The following FOXP1 variants were observed in gnomAD, a reference collection of about 807,000 sequenced individuals.
FOXP1 encodes the protein forkhead box P1.
In FOXP1, 15 loss-of-function variants were observed where a neutral mutation model predicts 98.2. That is an observed-to-expected ratio of 0.15 (90% CI 0.10 to 0.24). The LOEUF (loss-of-function observed/expected upper bound fraction) is 0.24, where lower values mean the gene tolerates loss of function less well. FOXP1 is among the 10% of genes least tolerant of loss of function. The probability of loss-of-function intolerance (pLI) is 1.00; values close to 1 mark genes in which losing one functional copy is unlikely to be tolerated. For missense variants in FOXP1, 633 were observed against 848.5 expected (o/e 0.75, Z 3.15); for synonymous variants, 371 against 314.5 (o/e 1.18, Z -1.90).
At chr3:70,965,341 CATT>C (rs1199691253) in intron 20 of FOXP1, among the ~76,000 whole-genome samples, 11 of 152,330 alleles carry the variant, frequency 7.2e-5, no homozygotes, top group African/African-American at 2.4e-4. Context: ...TATGTGCACT[CATT>C]ATACTGCCGT....
intron 3 of FOXP1, among the ~76,000 whole-genome samples, chr3:71,479,754 G>C (rs997351300): frequency 1.3e-5 from 2 of 151,548 alleles, no homozygotes. Flanking sequence ...ATCATTTCTT[G>C]GGTAGACAGA....
chr3:70,990,823 G>A (rs2040489052), intron 13 of FOXP1, among the ~76,000 whole-genome samples: 1 of 152,148 alleles, frequency 6.6e-6, no homozygotes, highest in Non-Finnish European at 1.5e-5. Flanking sequence ...ACGATGGCAG[G>A]GTGAAAACGG....
Position 70,985,245 on chromosome 3 carries a change from C to T in FOXP1, c.1146+2749G>A, listed in dbSNP as rs551962478. On this transcript the variant is annotated intron_variant, in intron 14 of 20. Transcript: ENST00000649528. ...CTAGAAGGATACTCATTCAAACAAA[C>T]GCCATGCATTCTATTATTTAGGGCG... 9.2e-5 allele frequency among the ~76,000 whole-genome samples: 14 copies of T among 152,290 alleles called. No homozygotes were observed. In the East Asian group the frequency reaches 1.9e-3, roughly 21 times the overall value.
intron 5 of FOXP1, among the ~76,000 whole-genome samples, chr3:71,288,600 C>A (rs2107479909): frequency 6.6e-6 from 1 of 152,308 alleles, no homozygotes; most frequent in Non-Finnish European, 1.5e-5. Context: ...GGGCTATAAA[C>A]ACATCCCACT....
chr3:71,188,743 A>C lies in FOXP1; in HGVS notation c.180+9459T>G, dbSNP rs73106169. Among the ~76,000 whole-genome samples the C allele has an allele frequency of 3.3e-3, 502 of 152,298 alleles. 1 individual carries two copies. Among genetic ancestry groups the C allele is most frequent in the Non-Finnish European group, 3.9e-3 (268 of 68,006 alleles). ...TTTAATAGGTGGCTGTGATACTGACAACTCAGTTGTGTTTGTGTGGATAAT... is the reference window on the plus strand; with the variant it reads ...TTTAATAGGTGGCTGTGATACTGACCACTCAGTTGTGTTTGTGTGGATAAT... On this transcript the variant is annotated intron_variant, in intron 6 of 20. Transcript: ENST00000649528.
At chr3:70,996,587 T>G (rs1302187998) in intron 13 of FOXP1, among the ~76,000 whole-genome samples, 2 of 152,094 alleles carry the variant, frequency 1.3e-5, no homozygotes, top group South Asian at 4.2e-4. Context: ...GGCCTTCCAT[T>G]TTGGGTGAAA....
intron 16 of FOXP1, 52 bp from the exon 17 acceptor site, chr3:70,977,094 G>C: frequency 8.5e-7 from 1 of 1,182,012 alleles, no homozygotes. Flanking sequence ...CAGCAGAGTC[G>C]TCATTCCACA....
intron 5 of FOXP1, among the ~76,000 whole-genome samples, chr3:71,225,756 A>G (rs1363654404): frequency 6.6e-6 from 1 of 152,152 alleles, no homozygotes; most frequent in Admixed American, 6.5e-5. Flanking sequence ...TCCCTCAAAT[A>G]CTAATGGTGG....
chr3:71,582,094 G>C (rs2048223749), intron 1 of FOXP1: 1 of 982,166 alleles, frequency 1.0e-6, no homozygotes. Flanking sequence ...GCTGCAGGCA[G>C]CGATTTCGAA....
In FOXP1 at chr3:71,495,141, G is replaced by C. The variant is rs554323415; in HGVS notation, c.-297-1586C>G. On this transcript the variant is annotated intron_variant, in intron 2 of 20. Transcript: ENST00000649528. ...CCTCCTTTTGTTTCAAGCAAGGCAAGTGTCTTCCCATCTCAGGGCTGGTGC... is the reference window on the plus strand; with the variant it reads ...CCTCCTTTTGTTTCAAGCAAGGCAACTGTCTTCCCATCTCAGGGCTGGTGC... Among the ~76,000 whole-genome samples the C allele has an allele frequency of 3.9e-5, 6 of 152,286 alleles. No individual in the cohort carries two copies. In the South Asian group the frequency reaches 8.3e-4, roughly 21 times the overall value.
intron 3 of FOXP1, among the ~76,000 whole-genome samples, chr3:71,400,469 T>C (rs552688820): frequency 3.9e-5 from 6 of 152,236 alleles, no homozygotes; most frequent in African/African-American, 1.4e-4. Flanking sequence ...TCGATTCTCG[T>C]GCCTCAGCCT....
At chr3:71,122,023 T>C (rs2058815138) in intron 6 of FOXP1, among the ~76,000 whole-genome samples, 1 of 152,224 alleles carries the variant, frequency 6.6e-6, no homozygotes. Context: ...CATCTTTTCA[T>C]ACCTCAGAAT....
chr3:71,544,003 G>A (rs561029820), intron 2 of FOXP1, among the ~76,000 whole-genome samples: 31 of 79,662 alleles, frequency 3.9e-4, no homozygotes, highest in South Asian at 1.8e-3. Flanking sequence ...ATACACACAT[G>A]TATGTGTGTA....
intron 5 of FOXP1, among the ~76,000 whole-genome samples, chr3:71,243,425 G>A (rs1031975453): frequency 6.6e-6 from 1 of 152,170 alleles, no homozygotes; most frequent in Non-Finnish European, 1.5e-5. Flanking sequence ...CTTAGCACTC[G>A]AGTCCCGTGC....
At chr3:71,066,217 A>G (rs548022416) in intron 7 of FOXP1, among the ~76,000 whole-genome samples, 5 of 152,304 alleles carry the variant, frequency 3.3e-5, no homozygotes, top group South Asian at 4.1e-4. Flanking sequence ...AATATTGGTA[A>G]TATTTCCAAT....
At chr3:71,042,862 C>T (rs2048533466) in intron 10 of FOXP1, among the ~76,000 whole-genome samples, 2 of 152,172 alleles carry the variant, frequency 1.3e-5, no homozygotes, top group Admixed American at 6.5e-5. Context: ...ACGTGATCAG[C>T]CAAACATCTT....
At chr3:70,979,321 GAAA>G (rs1559626359) in intron 14 of FOXP1, among the ~76,000 whole-genome samples, 4 of 76,010 alleles carry the variant, frequency 5.3e-5, no homozygotes, top group Admixed American at 4.1e-4. Flanking sequence ...AAAAAAAAAA[GAAA>G]AAAATAAATT....
intron 3 of FOXP1, among the ~76,000 whole-genome samples, chr3:71,416,505 AC>A (rs2108301848): frequency 6.6e-6 from 1 of 150,604 alleles, no homozygotes; most frequent in East Asian, 2.0e-4. Context: ...TGATTACACT[AC>A]TGCACTCCAG....
chr3:71,478,927 G>A (rs9854068), intron 3 of FOXP1, among the ~76,000 whole-genome samples: 9 of 152,012 alleles, frequency 5.9e-5, no homozygotes, highest in Admixed American at 2.6e-4. Flanking sequence ...TGAAAGGAGG[G>A]GGGGAGGGAA....
Sources: allele counts gnomAD v4.1 joint callset (sites outside exome capture counted in the v4.1 genomes callset), GRCh38; gene constraint gnomAD v4.1.1; transcripts MANE v1.5; gene names NCBI Gene and HGNC (gene_info 2026-07-23, HGNC 2026-07-21).